The following GFRA2 variants were observed in gnomAD, a reference collection of about 807,000 sequenced individuals.
GFRA2 encodes GDNF family receptor alpha-2.
A neutral mutation model predicts 48.3 loss-of-function variants in GFRA2; 17 were observed. The observed-to-expected ratio is 0.35, with a 90% CI of 0.24 to 0.53. The LOEUF is 0.53. Ranked by LOEUF, GFRA2 falls within the 20% of genes least tolerant of loss-of-function variation. GFRA2 has a pLI of 0.93. For missense variants in GFRA2, 660 were observed against 637.3 expected, an observed-to-expected ratio of 1.04 and a Z score of -0.38; for synonymous variants, 305 against 257.2, an observed-to-expected ratio of 1.19 and a Z score of -1.78.
At chr8:21,806,118 A>G (rs1807861297) in intron 1 of GFRA2, among the ~76,000 whole-genome samples, 1 of 152,174 alleles carries the variant, frequency 6.6e-6, no homozygotes, top group African/African-American at 2.4e-5. Flanking sequence ...TCCTCTCCAC[A>G]AAACTTCCCC....
chr8:21,716,077 C>T (rs2117421535), intron 4 of GFRA2, among the ~76,000 whole-genome samples: 1 of 152,186 alleles, frequency 6.6e-6, no homozygotes, highest in East Asian at 1.9e-4. Flanking sequence ...AATTCTAGCA[C>T]TTTGGGAAGC....
intron 4 of GFRA2, among the ~76,000 whole-genome samples, chr8:21,727,435 A>T (rs1444647154): frequency 6.6e-6 from 1 of 152,124 alleles, no homozygotes; most frequent in Non-Finnish European, 1.5e-5. Context: ...CCACTGGGGC[A>T]CAGATCCCAG....
intron 1 of GFRA2, chr8:21,784,398 A>G: frequency 8.8e-6 from 4 of 454,698 alleles, no homozygotes; most frequent in Admixed American, 2.4e-5. Flanking sequence ...AGAACATAAT[A>G]AAATCCTAGG....
rs1394233604 is a variant in GFRA2 at position 21,750,840 on chromosome 8, T to C, written c.542A>G (p.Tyr181Cys). 2 of 1,613,672 alleles carry C rather than the reference T, an allele frequency of 1.2e-6. No homozygotes were observed. Among genetic ancestry groups the C allele is most frequent in the African/African-American group, 1.3e-5 (1 of 74,880 alleles). ...GATCTCGCGGTTGCAGATGGAGATG[T>C]AGGAGGAGCGCAGCTTCTTGCAGTT... is the stretch of plus-strand genomic sequence containing the variant. ...NDNCKKLRSS[Y>C]ISICNREISP... The change falls in exon 4 of 9, where the codon TAC becomes TGC. Residue 181 changes from tyrosine (Y) to cysteine (C), a missense_variant. Coordinates refer to ENST00000524240, the MANE Select transcript of GFRA2 (RefSeq NM_001495.5). This position sits in a 1 kb window ranked among gnomAD's most constrained non-coding sequence, Gnocchi z 5.7.
intron 3 of GFRA2, among the ~76,000 whole-genome samples, chr8:21,770,746 G>A (rs1806398754): frequency 1.3e-5 from 2 of 152,082 alleles, no homozygotes; most frequent in African/African-American, 2.4e-5. Flanking sequence ...TGGCGGTGAG[G>A]ATGCCTCTGC....
intron 1 of GFRA2, chr8:21,784,346 G>GA: frequency 2.2e-6 from 1 of 456,112 alleles, no homozygotes; most frequent in Non-Finnish European, 4.4e-6. Context: ...TTCCTGGACC[G>GA]AAAGAGTAAT....
chr8:21,763,737 T>C (rs538856663), intron 3 of GFRA2, among the ~76,000 whole-genome samples: 15 of 151,762 alleles, frequency 9.9e-5, no homozygotes, highest in African/African-American at 3.4e-4. Context: ...CCTGACCCCC[T>C]GACCCAAACA....
chr8:21,743,367 T>A (rs1356296997), intron 4 of GFRA2, among the ~76,000 whole-genome samples: 1 of 152,152 alleles, frequency 6.6e-6, no homozygotes. Context: ...TCATCTCCCC[T>A]AAGCAAGGGC....
At chr8:21,761,570 T>C (rs1000913081) in intron 3 of GFRA2, among the ~76,000 whole-genome samples, 4 of 152,186 alleles carry the variant, frequency 2.6e-5, no homozygotes, top group African/African-American at 9.7e-5. Flanking sequence ...CAGAGGACTA[T>C]GCTAAGAGAA....
upstream of GFRA2, among the ~76,000 whole-genome samples, chr8:21,792,003 C>T (rs2117102488): frequency 6.6e-6 from 1 of 152,342 alleles, no homozygotes; most frequent in South Asian, 2.1e-4. Flanking sequence ...CATTCCAGTG[C>T]TCCTGAGTTC....
intron 2 of GFRA2, among the ~76,000 whole-genome samples, chr8:21,803,727 T>C (rs1807809843): frequency 1.3e-5 from 2 of 152,172 alleles, no homozygotes; most frequent in Non-Finnish European, 2.9e-5. Context: ...CCAACTCCTA[T>C]GTGCAAATGA....
intron 4 of GFRA2, among the ~76,000 whole-genome samples, chr8:21,712,803 G>C (rs536209812): frequency 6.6e-6 from 1 of 152,182 alleles, no homozygotes; most frequent in Non-Finnish European, 1.5e-5. Flanking sequence ...TTAGGAGCTG[G>C]AGACCAGCCC....
At chr8:21,790,022 T>C (rs983353624), upstream of GFRA2, 1 of 968,302 alleles carries the variant, frequency 1.0e-6, no homozygotes, top group East Asian at 1.1e-4. Flanking sequence ...CCTCCTCCCC[T>C]AGCCGGGAAG....
At chr8:21,735,846 A>G (rs1753895306) in intron 4 of GFRA2, among the ~76,000 whole-genome samples, 1 of 152,008 alleles carries the variant, frequency 6.6e-6, no homozygotes, top group African/African-American at 2.4e-5. Context: ...AAAAAAAAAA[A>G]AAAATTGTAG....
chr8:21,807,459 T>C (rs1274252451), intron 1 of GFRA2, among the ~76,000 whole-genome samples: 1 of 152,178 alleles, frequency 6.6e-6, no homozygotes, highest in African/African-American at 2.4e-5. Context: ...CGGTATTCTG[T>C]TATAGCAGCA....
intron 4 of GFRA2, among the ~76,000 whole-genome samples, chr8:21,713,058 G>C (rs75075992): frequency 0.019 from 2,857 of 150,886 alleles, 154 homozygotes; most frequent in East Asian, 0.12. Flanking sequence ...AGAGGGAGAC[G>C]AGGGAAAGGG....
At chr8:21,789,821 C>T (rs1161385210), upstream of GFRA2, among the ~76,000 whole-genome samples, 1 of 151,572 alleles carries the variant, frequency 6.6e-6, no homozygotes, top group East Asian at 2.0e-4. Context: ...TGGGCCAGGG[C>T]GCCCTGACCA....
chr8:21,706,562 C>G (rs1802758878), intron 4 of GFRA2, among the ~76,000 whole-genome samples: 1 of 152,144 alleles, frequency 6.6e-6, no homozygotes, highest in Admixed American at 6.5e-5. Flanking sequence ...GCAAAAGAGT[C>G]TCCCTGGGTG....
rs1232026698 is a variant in GFRA2 at position 21,693,233 on chromosome 8, T to C, written c.*45A>G. The C allele has an allele frequency of 2.2e-5, 34 of 1,571,216 alleles. No individual in the cohort carries two copies. The highest frequency in any genetic ancestry group is 2.9e-5 in the Non-Finnish European group (34 of 1,154,562). On this transcript the variant is annotated 3_prime_UTR_variant, in exon 9 of 9. Coordinates refer to ENST00000524240, the MANE Select transcript of GFRA2 (RefSeq NM_001495.5). The stretch of plus-strand genomic sequence containing the variant: ...TTTCCATTTCGTCAGGCGGCTGTTC[T>C]TGTCTGCGTAGCTTTCAAAAATATT...
Sources: gnomAD v4.1 joint callset for allele counts (sites outside exome capture counted in the v4.1 genomes callset) on GRCh38, gnomAD v4.1.1 for gene constraint, Gnocchi (gnomAD v3.1) non-coding constraint, MANE v1.5 for transcripts, NCBI Gene and HGNC (gene_info 2026-07-23, HGNC 2026-07-21) for gene names.